Variants in IL1RAPL1 observed in about 807,000 individuals in gnomAD.
IL1RAPL1 encodes interleukin 1 receptor accessory protein like 1.
In IL1RAPL1, 3 loss-of-function variants were observed where a neutral mutation model predicts 48.4. That is an observed-to-expected ratio of 0.06 (90% confidence interval 0.03 to 0.16). The LOEUF (loss-of-function observed/expected upper bound fraction) is 0.16. Among genes scored for constraint, IL1RAPL1 ranks in the 10% least tolerant of loss-of-function variants. IL1RAPL1 has a pLI of 1.00. For missense variants in IL1RAPL1, 349 were observed against 530.6 expected (o/e 0.66, Z 3.36); for synonymous variants, 185 against 187.7 (o/e 0.99, Z 0.12).
chrX:29,671,333 A>C (rs1926134165), intron 6 of IL1RAPL1, among the ~76,000 whole-genome samples: 1 of 111,851 alleles, frequency 8.9e-6, no homozygotes, highest in Admixed American at 9.6e-5. Context: ...AGGGTTTGAT[A>C]GTGGTCATTT....
intron 2 of IL1RAPL1, among the ~76,000 whole-genome samples, chrX:29,138,393 A>G (rs1929173164): frequency 8.9e-6 from 1 of 112,101 alleles, no homozygotes; most frequent in African/African-American, 3.2e-5. Flanking sequence ...AAATATGTAG[A>G]TAAAAGAACT....
intron 6 of IL1RAPL1, among the ~76,000 whole-genome samples, chrX:29,749,242 A>G (rs774058325): frequency 2.7e-5 from 3 of 111,657 alleles, no homozygotes; most frequent in African/African-American, 9.7e-5. Flanking sequence ...CATTATACTG[A>G]CTCCCTAGCC....
chrX:29,668,402 CTG>C (rs776714470), intron 5 of IL1RAPL1, 26 bp from the exon 6 acceptor site: 1 of 1,122,451 alleles, frequency 8.9e-7, no homozygotes, highest in Non-Finnish European at 1.2e-6. Flanking sequence ...CTATAAGTCT[CTG>C]TATTATTATT....
chrX:28,740,356 T>C (rs760879711), intron 1 of IL1RAPL1, among the ~76,000 whole-genome samples: 93 of 111,986 alleles, frequency 8.3e-4, no homozygotes, highest in Non-Finnish European at 1.3e-3. Context: ...AGCAGAAGGA[T>C]TGGAGATAGG....
intron 2 of IL1RAPL1, among the ~76,000 whole-genome samples, chrX:29,185,280 G>T (rs1431854275): frequency 1.8e-5 from 2 of 111,906 alleles, no homozygotes; most frequent in Non-Finnish European, 3.8e-5. Context: ...AAATAAGCAT[G>T]GTGGTAAATT....
chrX:28,778,465 C>G (rs952060436), intron 1 of IL1RAPL1, among the ~76,000 whole-genome samples: 2 of 111,955 alleles, frequency 1.8e-5, no homozygotes, highest in Admixed American at 1.9e-4. Flanking sequence ...TCACTTGCCT[C>G]ATCCAATCTG....
At chrX:29,069,874 C>A (rs1478422010) in intron 2 of IL1RAPL1, among the ~76,000 whole-genome samples, 1 of 111,636 alleles carries the variant, frequency 9.0e-6, no homozygotes, top group Non-Finnish European at 1.9e-5. Flanking sequence ...ATTCTGCCAT[C>A]AAGTTAACAC....
chrX:29,127,628 A>T (rs1928925578), intron 2 of IL1RAPL1, among the ~76,000 whole-genome samples: 1 of 111,740 alleles, frequency 8.9e-6, no homozygotes, highest in Non-Finnish European at 1.9e-5. Context: ...AACTGCCTAC[A>T]GCACACCTCC....
intron 6 of IL1RAPL1, among the ~76,000 whole-genome samples, chrX:29,865,321 G>T (rs956156031): frequency 1.8e-5 from 2 of 111,935 alleles, no homozygotes; most frequent in African/African-American, 6.5e-5. Context: ...TAACTTCAGA[G>T]AAATAGTCAA....
chrX:29,217,267 A>G (rs1930887564), intron 2 of IL1RAPL1, among the ~76,000 whole-genome samples: 1 of 112,343 alleles, frequency 8.9e-6, no homozygotes, highest in African/African-American at 3.2e-5. Context: ...TCATGACCCA[A>G]TAATAGATAC....
At chrX:29,880,228 T>A (rs944332037) in intron 6 of IL1RAPL1, among the ~76,000 whole-genome samples, 5 of 111,840 alleles carry the variant, frequency 4.5e-5, no homozygotes, top group Non-Finnish European at 7.5e-5. Context: ...ATATTCCATA[T>A]GCTAACGTGT....
rs770796653 is a variant in IL1RAPL1 at position 29,639,922 on chromosome X, C to G, written c.704-28508C>G. Among the ~76,000 whole-genome samples, 3 of 111,589 alleles carry G rather than the reference C, an allele frequency of 2.7e-5. No homozygotes were observed. In the Admixed American group the frequency reaches 2.9e-4, roughly 11 times the overall value. On this transcript the variant is annotated intron_variant, in intron 5 of 10. Transcript: ENST00000378993. Reference sequence around the variant, plus strand: ...TTTGCAGGCTCTTCTGAGCCAGAAGCATTTTTTATCAGAAAGGTTTTGGAA... The same window carrying G: ...TTTGCAGGCTCTTCTGAGCCAGAAGGATTTTTTATCAGAAAGGTTTTGGAA...
intron 3 of IL1RAPL1, among the ~76,000 whole-genome samples, chrX:29,393,952 T>C (rs1450731915): frequency 2.7e-5 from 3 of 111,083 alleles, no homozygotes; most frequent in African/African-American, 9.8e-5. Flanking sequence ...CAAAGAGGGA[T>C]ATCTTTTTCA....
At chrX:28,876,832 C>T (rs1490402594) in intron 2 of IL1RAPL1, among the ~76,000 whole-genome samples, 2 of 110,514 alleles carry the variant, frequency 1.8e-5, no homozygotes, top group African/African-American at 6.6e-5. Flanking sequence ...GTTAATTATT[C>T]TCTCTGTCCT....
chrX:29,802,960 C>T (rs142726459), intron 6 of IL1RAPL1, among the ~76,000 whole-genome samples: 22,749 of 54,762 alleles, frequency 0.42, 5,149 homozygotes, highest in East Asian at 0.61. Context: ...TATATGTATA[C>T]ATGTGTACAT....
intron 1 of IL1RAPL1, among the ~76,000 whole-genome samples, chrX:28,606,255 A>G (rs1356119237): frequency 1.8e-5 from 2 of 112,208 alleles, no homozygotes; most frequent in Non-Finnish European, 3.8e-5. Flanking sequence ...TAGTGTTACT[A>G]TTGTGAAGGT....
chrX:29,505,380 GT>G (rs201216970), intron 5 of IL1RAPL1, among the ~76,000 whole-genome samples: 1 of 110,453 alleles, frequency 9.1e-6, no homozygotes, highest in African/African-American at 3.3e-5. Flanking sequence ...TTGCATGTTA[GT>G]TTTTTTTCAG....
chrX:28,799,080 A>T (rs751216468), intron 2 of IL1RAPL1, among the ~76,000 whole-genome samples: 2 of 111,876 alleles, frequency 1.8e-5, no homozygotes, highest in South Asian at 7.6e-4. Flanking sequence ...AAGACAGAAG[A>T]GAGAGCAATT....
chrX:29,794,145 A>G (rs747680485), intron 6 of IL1RAPL1, among the ~76,000 whole-genome samples: 3 of 112,095 alleles, frequency 2.7e-5, no homozygotes, highest in Non-Finnish European at 3.8e-5. Context: ...GCTTTTTTGC[A>G]TTCATTTTTT....
Sources: allele counts gnomAD v4.1 joint callset (sites outside exome capture counted in the v4.1 genomes callset), GRCh38; gene constraint gnomAD v4.1.1; transcripts MANE v1.5; gene names NCBI Gene and HGNC (gene_info 2026-07-23, HGNC 2026-07-21).